ACADS: variants seen among roughly 807,000 people sequenced by gnomAD.
ACADS encodes acyl-CoA dehydrogenase short chain, also known as short-chain specific acyl-CoA dehydrogenase, mitochondrial.
ACADS carries 28 observed loss-of-function variants against 46.8 expected under a neutral mutation model. The observed-to-expected ratio is 0.60, with a 90% confidence interval of 0.44 to 0.82. ACADS has a LOEUF of 0.82. Among genes scored for constraint, ACADS ranks in the 40% least tolerant of loss-of-function variants. The probability of loss-of-function intolerance (pLI) is 0.00; values close to 1 mark genes in which losing one functional copy is unlikely to be tolerated. For missense variants in ACADS, 528 were observed against 578.0 expected (o/e 0.91, Z 0.89); for synonymous variants, 236 against 237.7 (o/e 0.99, Z 0.07).
chr12:120,729,404 C>A (rs749911634), intron 2 of ACADS, among the ~76,000 whole-genome samples: 1 of 151,684 alleles, frequency 6.6e-6, no homozygotes, highest in East Asian at 1.9e-4. Context: ...ACTACAGGTG[C>A]CCGCCACCAT....
chr12:120,732,235 CCCGGACGGGGCGG>C, intron 2 of ACADS, among the ~76,000 whole-genome samples: 1 of 151,560 alleles, frequency 6.6e-6, no homozygotes, highest in African/African-American at 2.4e-5. Flanking sequence ...CCCCTCACCT[CCCGGACGGGGCGG>C]CTGGCCGGGC....
intron 4 of ACADS, 79 bp from the exon 5 acceptor site, chr12:120,737,758 G>A: frequency 1.3e-6 from 2 of 1,591,732 alleles, no homozygotes; most frequent in African/African-American, 1.3e-5. Flanking sequence ...CTGCCAGCAG[G>A]GGTGTGGAGG....
intron 2 of ACADS, among the ~76,000 whole-genome samples, chr12:120,729,516 C>T (rs1349314554): frequency 6.6e-6 from 1 of 152,082 alleles, no homozygotes; most frequent in Non-Finnish European, 1.5e-5. Flanking sequence ...CCTCAGCCTC[C>T]CAAACTGCTG....
At chr12:120,735,811 T>C (rs1883416732) in intron 2 of ACADS, among the ~76,000 whole-genome samples, 1 of 151,904 alleles carries the variant, frequency 6.6e-6, no homozygotes, top group African/African-American at 2.4e-5. Context: ...AGGCAGAGAA[T>C]TGCTTGAACC....
In ACADS at chr12:120,725,827, C is replaced by T; in HGVS notation, c.-59C>T. 2.6e-6 allele frequency: 4 copies of T among 1,516,274 alleles called. No individual in the cohort carries two copies. Among genetic ancestry groups the T allele is most frequent in the Non-Finnish European group, 3.5e-6 (4 of 1,135,988 alleles). The allele number at this position is 1,516,274 out of a possible 1,614,324, so 93.9% of individuals were successfully genotyped here. On this transcript the variant is annotated 5_prime_UTR_variant, in exon 1 of 10. Transcript: ENST00000242592. ...CTGTCCCGGGTCCCGCCCCCCAGCA[C>T]TCCGGAACAGCGCGCTCGCAGCGGG...
At chr12:120,738,508 C>T (rs774785220) in intron 6 of ACADS, 25 bp from the exon 7 acceptor site, 2 of 1,606,264 alleles carry the variant, frequency 1.2e-6, no homozygotes, top group Non-Finnish European at 1.7e-6. Flanking sequence ...GGCTGGCGGG[C>T]CACTGACCAG....
chr12:120,738,777 A>T, intron 7 of ACADS, 43 bp from the exon 8 acceptor site: 1 of 1,612,672 alleles, frequency 6.2e-7, no homozygotes, highest in Non-Finnish European at 8.5e-7. Flanking sequence ...TGTCCCCTGG[A>T]GGGGCAGCTG....
At chr12:120,732,283 C>T (rs1340001272) in intron 2 of ACADS, among the ~76,000 whole-genome samples, 1 of 150,082 alleles carries the variant, frequency 6.7e-6, no homozygotes, top group African/African-American at 2.5e-5. Context: ...ACCTCCCTCC[C>T]GGACGGGGCG....
At chr12:120,738,973 G>A in intron 8 of ACADS, 58 bp downstream of exon 8, 11 of 1,606,622 alleles carry the variant, frequency 6.8e-6, no homozygotes, top group Admixed American at 1.7e-5. Flanking sequence ...GGGACGGGGA[G>A]AGGTTGGGGC....
At chr12:120,726,620 G>T (rs1883093210) in intron 1 of ACADS, among the ~76,000 whole-genome samples, 1 of 152,226 alleles carries the variant, frequency 6.6e-6, no homozygotes, top group Admixed American at 6.5e-5. Flanking sequence ...AGAAACGGAG[G>T]CTCACTGACG....
intron 2 of ACADS, among the ~76,000 whole-genome samples, chr12:120,733,015 C>T (rs1028168460): frequency 1.3e-5 from 2 of 152,238 alleles, no homozygotes; most frequent in African/African-American, 4.8e-5. Flanking sequence ...TGGTTAGGAG[C>T]TGGAGACCAG....
chr12:120,739,541 G>A lies in ACADS; in HGVS notation c.*93G>A. 1 of 1,482,572 alleles carries A rather than the reference G, an allele frequency of 6.7e-7. No individual in the cohort carries two copies. Among genetic ancestry groups the A allele is most frequent in the Non-Finnish European group, 9.1e-7 (1 of 1,100,148 alleles). The allele number at this position is 1,482,572 out of a possible 1,614,324, so 91.8% of individuals were successfully genotyped here. A position where few individuals can be genotyped will look rare whatever the true frequency, so the allele number is the denominator to read the frequency against. ...CTCAGAGACTGGGCGGCCCGGCGGG[G>A]GCTCCCTGGGGACCCCAGATGGGCT... On this transcript the variant is annotated 3_prime_UTR_variant, in exon 10 of 10. Coordinates refer to ENST00000242592, the MANE Select transcript of ACADS (RefSeq NM_000017.4).
intron 2 of ACADS, among the ~76,000 whole-genome samples, chr12:120,736,510 A>G (rs115132997): frequency 0.031 from 4,653 of 152,286 alleles, 265 homozygotes; most frequent in African/African-American, 0.11. Flanking sequence ...GAGGCTGGGG[A>G]TGGCAGCCCA....
At chr12:120,738,125 C>T (rs749731661) in intron 5 of ACADS, 137 bp downstream of exon 5, 3 of 1,567,882 alleles carry the variant, frequency 1.9e-6, no homozygotes, top group African/African-American at 2.7e-5. Flanking sequence ...CCTCAGCTGC[C>T]ACTGAAGCCT....
At chr12:120,727,350 G>GGCCAGTA (rs1477782772) in intron 2 of ACADS, among the ~76,000 whole-genome samples, 161 bp downstream of exon 2, 1 of 152,190 alleles carries the variant, frequency 6.6e-6, no homozygotes, top group Non-Finnish European at 1.5e-5. Context: ...TCCAGCCTGT[G>GGCCAGTA]GCCAGTAGCC....
At chr12:120,726,454 C>T (rs1474524673) in intron 1 of ACADS, among the ~76,000 whole-genome samples, 8 of 152,206 alleles carry the variant, frequency 5.3e-5, no homozygotes, top group Admixed American at 4.6e-4. Flanking sequence ...TCCCATCTTA[C>T]GTGTCTCCAG....
intron 2 of ACADS, among the ~76,000 whole-genome samples, chr12:120,727,556 G>A (rs1311583951): frequency 6.6e-6 from 1 of 152,160 alleles, no homozygotes. Flanking sequence ...ATTTTTTTGA[G>A]ACGGAGTTTC....
Position 120,738,897 on chromosome 12 carries a change from C to T in ACADS, c.1011C>T (p.Asn337=). 6.2e-7 allele frequency: 1 copy of T among 1,613,720 alleles called. No homozygotes were observed. The highest frequency in any genetic ancestry group is 8.5e-7 in the Non-Finnish European group (1 of 1,180,018). ...LTWRAAMLKD[N]KKPFIKEAAM... ...GGCGCGCTGCCATGCTGAAGGATAA[C>T]AAGAAGCCTTTCATCAAGGTGCCCA... Residue 337 remains asparagine (N), a synonymous_variant, in exon 8 of 10, where the codon AAC becomes AAT. Coordinates refer to ENST00000242592, the MANE Select transcript of ACADS (RefSeq NM_000017.4).
At chr12:120,738,730 C>T (rs1883546244) in intron 7 of ACADS, 60 bp downstream of exon 7, 4 of 1,609,202 alleles carry the variant, frequency 2.5e-6, no homozygotes, top group Admixed American at 1.7e-5. Flanking sequence ...GAGAGTGTGG[C>T]CTCCTGACTG....
Sources: gnomAD v4.1 joint callset for allele counts (sites outside exome capture counted in the v4.1 genomes callset) on GRCh38, gnomAD v4.1.1 for gene constraint, MANE v1.5 for transcripts, NCBI Gene and HGNC (gene_info 2026-07-23, HGNC 2026-07-21) for gene names.